The following TSPAN9 variants were observed in gnomAD, a reference collection of about 807,000 sequenced individuals.
The protein encoded by TSPAN9 is tetraspanin 9, also known as tetraspanin-9.
In TSPAN9, 16 loss-of-function variants were observed where a neutral mutation model predicts 31.0. The ratio of observed to expected loss-of-function variants is 0.52; its 90% confidence interval spans 0.35 to 0.78. The LOEUF is 0.78. TSPAN9 is among the 30% of genes least tolerant of loss of function. The probability of loss-of-function intolerance (pLI) is 0.01; values close to 1 mark genes in which losing one functional copy is unlikely to be tolerated. For missense variants in TSPAN9, 272 were observed against 312.5 expected (o/e 0.87, Z 0.98); for synonymous variants, 145 against 121.6 (o/e 1.19, Z -1.27).
chr12:3,089,137 CAGG>C (rs1383926446), intron 2 of TSPAN9, among the ~76,000 whole-genome samples: 1 of 149,652 alleles, frequency 6.7e-6, no homozygotes, highest in Non-Finnish European at 1.5e-5. Flanking sequence ...GAGGCTGAGG[CAGG>C]AGAATGGCAT....
chr12:3,216,995 G>A (rs1178212192), intron 3 of TSPAN9, among the ~76,000 whole-genome samples: 3 of 152,228 alleles, frequency 2.0e-5, no homozygotes, highest in African/African-American at 7.2e-5. Flanking sequence ...TGCAGTTGGA[G>A]GAAGGGCTGG....
rs1216865997 is a variant in TSPAN9 at position 3,168,765 on chromosome 12, T to C, written c.-17-32412T>C. Among the ~76,000 whole-genome samples, 1 of 152,176 alleles carries C rather than the reference T, an allele frequency of 6.6e-6. No homozygotes were observed. Among genetic ancestry groups the C allele is most frequent in the Admixed American group, 6.5e-5 (1 of 15,278 alleles). On this transcript the variant is annotated intron_variant, in intron 2 of 8. Coordinates refer to ENST00000011898, the MANE Select transcript of TSPAN9 (RefSeq NM_006675.5). This position sits in a 1 kb window ranked among gnomAD's most constrained non-coding sequence, Gnocchi z 4.0. ...TCTCTCTGGGAAGCTGAGGCCACTC[T>C]CCGCCCCCTCTCTTTTCTGTGTCTC...
Position 3,168,266 on chromosome 12 carries a change from C to G in TSPAN9, c.-17-32911C>G, listed in dbSNP as rs1405483027. ...ACACTGTGCCAGCTCTTTCCAGATG[C>G]TTCAAACCTTTTTAGTTGCTAAGGT... On this transcript the variant is annotated intron_variant, in intron 2 of 8. Transcript: ENST00000011898. This position sits in a 1 kb window ranked among gnomAD's most constrained non-coding sequence, Gnocchi z 4.0. Among the ~76,000 whole-genome samples, 1 of 152,220 alleles carries G rather than the reference C, an allele frequency of 6.6e-6. No homozygotes were observed. Among genetic ancestry groups the G allele is most frequent in the Non-Finnish European group, 1.5e-5 (1 of 68,044 alleles).
At position 3,264,984 on chromosome 12, in the gene TSPAN9, C is replaced by T. The variant is rs577535741; in HGVS notation, c.64-13437C>T. On this transcript the variant is annotated intron_variant, in intron 3 of 8. Transcript: ENST00000011898. The stretch of plus-strand genomic sequence containing the variant: ...CACACACTCCAGCTCTGGCCATTGT[C>T]CTATCTCACACTGCAGCCACCTCTC... Among the ~76,000 whole-genome samples, 87 of 152,278 alleles carry T rather than the reference C, an allele frequency of 5.7e-4. 1 individual carries two copies. In the South Asian group the frequency reaches 0.017, roughly 30 times the overall value.
At position 3,281,760 on chromosome 12, in the gene TSPAN9, G is replaced by A; in HGVS notation, c.591G>A (p.Trp197Ter). ...RTGCYEKVKM[W>*]FDDNKHVLGT... The stretch of plus-strand genomic sequence containing the variant: ...GCTGCTATGAAAAGGTGAAGATGTG[G>A]TTCGATGACAATAAGCACGTGCTGG... The change falls in exon 8 of 9, where the codon TGG becomes TGA. Residue 197 changes from tryptophan to a stop codon, truncating the protein, a stop_gained. Coordinates refer to ENST00000011898, the MANE Select transcript of TSPAN9 (RefSeq NM_006675.5). LOFTEE classifies it high-confidence loss of function. 1 of 1,614,024 alleles carries A rather than the reference G, an allele frequency of 6.2e-7. No individual in the cohort carries two copies. The highest frequency in any genetic ancestry group is 8.5e-7 in the Non-Finnish European group (1 of 1,179,888).
intron 2 of TSPAN9, among the ~76,000 whole-genome samples, chr12:3,188,300 G>C (rs1702707296): frequency 2.0e-5 from 3 of 152,228 alleles, no homozygotes; most frequent in Admixed American, 2.0e-4. Context: ...GTCTCCCCGG[G>C]TTCCACAGCA....
At chr12:3,240,271 G>A (rs554879187) in intron 3 of TSPAN9, among the ~76,000 whole-genome samples, 10 of 152,168 alleles carry the variant, frequency 6.6e-5, no homozygotes, top group Non-Finnish European at 1.2e-4. Context: ...CAGAGGCCCC[G>A]CTGCAGGCTA....
intron 2 of TSPAN9, among the ~76,000 whole-genome samples, chr12:3,178,320 C>T (rs371808147): frequency 2.4e-4 from 35 of 148,092 alleles, no homozygotes; most frequent in African/African-American, 8.7e-4. Flanking sequence ...AGAGTTGTTT[C>T]GCTCTTGTTG....
At chr12:3,130,786 A>G (rs916798082) in intron 2 of TSPAN9, among the ~76,000 whole-genome samples, 2 of 152,004 alleles carry the variant, frequency 1.3e-5, no homozygotes, top group Non-Finnish European at 2.9e-5. Flanking sequence ...AGTTACTTCT[A>G]TTTTTACCGG....
intron 2 of TSPAN9, among the ~76,000 whole-genome samples, chr12:3,182,888 G>T (rs954639764): frequency 1.3e-5 from 2 of 152,252 alleles, no homozygotes; most frequent in African/African-American, 2.4e-5. Context: ...GCAACAGCCA[G>T]TCAGGAGCTG....
At position 3,283,171 on chromosome 12, in the gene TSPAN9, T is replaced by G; in HGVS notation, c.*55T>G. ...CTGCTGCCCTGTGGAGGGAAGAGGA[T>G]TGAGCTTTGTGTCACCTGCCTGCGC... On this transcript the variant is annotated 3_prime_UTR_variant, in exon 9 of 9. Transcript: ENST00000011898. 1.9e-6 allele frequency: 3 copies of G among 1,583,112 alleles called. No individual in the cohort carries two copies. The Admixed American group carries it at 5.0e-5, about 27-fold the overall frequency.
chr12:3,207,376 G>A (rs1352509921), intron 3 of TSPAN9, among the ~76,000 whole-genome samples: 1 of 152,098 alleles, frequency 6.6e-6, no homozygotes, highest in Non-Finnish European at 1.5e-5. Flanking sequence ...AAACCCATCG[G>A]GCAGAGTTAA....
intron 3 of TSPAN9, among the ~76,000 whole-genome samples, chr12:3,219,106 G>A (rs549417719): frequency 6.6e-5 from 10 of 152,344 alleles, no homozygotes; most frequent in African/African-American, 1.4e-4. Flanking sequence ...ACCCGTGGGC[G>A]GCCGGGGGAG....
At chr12:3,078,137 C>T (rs2153960995) in intron 1 of TSPAN9, among the ~76,000 whole-genome samples, 1 of 152,308 alleles carries the variant, frequency 6.6e-6, no homozygotes, top group Middle Eastern at 3.4e-3. Context: ...CGAGTCACTG[C>T]TTCATCTTCC....
intron 2 of TSPAN9, among the ~76,000 whole-genome samples, chr12:3,128,757 G>A (rs1386927392): frequency 1.3e-5 from 2 of 152,124 alleles, no homozygotes; most frequent in African/African-American, 4.8e-5. Context: ...ATTATATTTT[G>A]GAATTTTTTA....
At chr12:3,216,292 T>C (rs10848824) in intron 3 of TSPAN9, among the ~76,000 whole-genome samples, 21,077 of 152,150 alleles carry the variant, frequency 0.14, 1,805 homozygotes, top group African/African-American at 0.24. Flanking sequence ...CAGATGGCTT[T>C]TGCTGGGACC....
chr12:3,229,798 C>T (rs548065762), intron 3 of TSPAN9, among the ~76,000 whole-genome samples: 12 of 152,302 alleles, frequency 7.9e-5, no homozygotes, highest in African/African-American at 2.6e-4. Flanking sequence ...CAAATGAAGC[C>T]CCTTCCAGCC....
intron 3 of TSPAN9, among the ~76,000 whole-genome samples, chr12:3,267,678 G>A (rs1403626698): frequency 6.6e-6 from 1 of 152,216 alleles, no homozygotes; most frequent in Non-Finnish European, 1.5e-5. Flanking sequence ...TATGCTGGTG[G>A]TTGGAAAATC....
chr12:3,271,712 C>T (rs1402324950), intron 3 of TSPAN9, among the ~76,000 whole-genome samples: 2 of 152,178 alleles, frequency 1.3e-5, no homozygotes, highest in African/African-American at 4.8e-5. Context: ...CTTCATTTCT[C>T]TCCATGCAGA....
Sources: gnomAD v4.1 joint callset for allele counts (sites outside exome capture counted in the v4.1 genomes callset) on GRCh38, gnomAD v4.1.1 for gene constraint, Gnocchi (gnomAD v3.1) non-coding constraint, MANE v1.5 for transcripts, NCBI Gene and HGNC (gene_info 2026-07-23, HGNC 2026-07-21) for gene names.